The following DNAJC1 variants were observed in gnomAD, a reference collection of about 807,000 sequenced individuals.
The protein encoded by DNAJC1 is DnaJ heat shock protein family (Hsp40) member C1.
Under a neutral mutation model 76.6 loss-of-function variants are expected in DNAJC1, and 58 were observed. That is an observed-to-expected ratio of 0.76 (90% confidence interval 0.61 to 0.94). The LOEUF (loss-of-function observed/expected upper bound fraction) is 0.94, where lower values mean the gene tolerates loss of function less well. Among genes scored for constraint, DNAJC1 ranks in the 40% least tolerant of loss-of-function variants. The pLI, the probability that DNAJC1 is intolerant of heterozygous loss-of-function variation, is 0.00. For missense variants in DNAJC1, 689 were observed against 677.3 expected, an observed-to-expected ratio of 1.02 and a Z score of -0.19; for synonymous variants, 258 against 267.9, an observed-to-expected ratio of 0.96 and a Z score of 0.36.
intron 10 of DNAJC1, among the ~76,000 whole-genome samples, chr10:21,764,497 T>C (rs980192318): frequency 1.3e-5 from 2 of 152,218 alleles, no homozygotes; most frequent in Admixed American, 6.5e-5. Context: ...TTCTTATCTG[T>C]AGAAGGTCAT....
At chr10:21,886,205 C>T (rs1031692246) in intron 7 of DNAJC1, among the ~76,000 whole-genome samples, 2 of 152,172 alleles carry the variant, frequency 1.3e-5, no homozygotes, top group Non-Finnish European at 2.9e-5. Context: ...ACAGAAACCT[C>T]TATGCACACA....
chr10:21,998,490 T>C (rs10828283), intron 1 of DNAJC1, among the ~76,000 whole-genome samples: 111,894 of 151,806 alleles, frequency 0.74, 41,784 homozygotes, highest in East Asian at 0.97. Flanking sequence ...ATAAATACTG[T>C]GCAGGAACCT....
intron 8 of DNAJC1, among the ~76,000 whole-genome samples, chr10:21,824,064 T>C (rs1835202941): frequency 6.6e-6 from 1 of 152,196 alleles, no homozygotes; most frequent in Non-Finnish European, 1.5e-5. Flanking sequence ...ACAATAATTA[T>C]GTTGAATGAA....
At chr10:21,940,411 C>T (rs552405916) in intron 1 of DNAJC1, among the ~76,000 whole-genome samples, 1 of 152,022 alleles carries the variant, frequency 6.6e-6, no homozygotes, top group Non-Finnish European at 1.5e-5. Flanking sequence ...ATTTTCTTAG[C>T]CTTAAACTAT....
intron 8 of DNAJC1, among the ~76,000 whole-genome samples, chr10:21,860,101 C>T (rs934334056): frequency 6.8e-6 from 1 of 147,648 alleles, no homozygotes. Flanking sequence ...CTTCTTAATG[C>T]AAACAGCAGA....
intron 8 of DNAJC1, among the ~76,000 whole-genome samples, chr10:21,813,208 CTCTCTCTCTCTCTATATA>C (rs1835010143): frequency 8.7e-5 from 6 of 68,694 alleles, no homozygotes; most frequent in Admixed American, 4.4e-4. Context: ...CTCTCTCTCT[CTCTCTCTCTCTCTATATA>C]TATATATATA....
rs1257259376 is a variant in DNAJC1, at chr10:21,805,868, A to AT, written c.1098+111dup. The stretch of plus-strand genomic sequence containing the variant: ...TGGTTCACTTTCAGGTCCTAAAAGG[A>AT]TTGTTGTATCCCCTCCCCAAAGATA... On this transcript the variant is annotated intron_variant, in intron 9 of 11. Transcript: ENST00000376980. 6 of 1,389,792 alleles carry AT rather than the reference A, an allele frequency of 4.3e-6. No individual in the cohort carries two copies. The East Asian group carries it at 1.4e-4, about 32-fold the overall frequency. The allele number at this position is 1,389,792 out of a possible 1,614,324, so 86.1% of individuals were successfully genotyped here. A position where few individuals can be genotyped will look rare whatever the true frequency, so the allele number is the denominator to read the frequency against.
intron 1 of DNAJC1, among the ~76,000 whole-genome samples, chr10:21,963,517 A>C (rs1837837303): frequency 6.6e-6 from 1 of 152,228 alleles, no homozygotes; most frequent in South Asian, 2.1e-4. Flanking sequence ...AAGGTTTACA[A>C]AGAAAACTAT....
intron 1 of DNAJC1, among the ~76,000 whole-genome samples, chr10:21,977,077 T>G (rs143222672): frequency 6.6e-6 from 1 of 152,158 alleles, no homozygotes; most frequent in African/African-American, 2.4e-5. Context: ...TACTAAGGCT[T>G]CTTTGTACGT....
chr10:21,836,883 A>C (rs1835468943), intron 8 of DNAJC1, among the ~76,000 whole-genome samples: 1 of 151,956 alleles, frequency 6.6e-6, no homozygotes, highest in East Asian at 1.9e-4. Flanking sequence ...ATAATGGGAG[A>C]GCTCCCTCTC....
intron 1 of DNAJC1, among the ~76,000 whole-genome samples, chr10:21,965,915 G>A (rs1456674555): frequency 6.6e-6 from 1 of 152,156 alleles, no homozygotes; most frequent in Non-Finnish European, 1.5e-5. Context: ...CATGGGGTCT[G>A]GATCAGGTAC....
chr10:21,983,785 G>A (rs1175686609), intron 1 of DNAJC1, among the ~76,000 whole-genome samples: 7 of 151,816 alleles, frequency 4.6e-5, no homozygotes, highest in African/African-American at 1.5e-4. Flanking sequence ...AGGAAAGAAC[G>A]GTAAGTTGTT....
intron 1 of DNAJC1, among the ~76,000 whole-genome samples, chr10:21,937,289 G>T (rs193088179): frequency 4.6e-5 from 7 of 152,134 alleles, no homozygotes; most frequent in Admixed American, 4.6e-4. Flanking sequence ...GATATTCCTT[G>T]CAAACAGTAA....
At chr10:21,782,906 T>C (rs1834551803) in intron 9 of DNAJC1, among the ~76,000 whole-genome samples, 1 of 152,190 alleles carries the variant, frequency 6.6e-6, no homozygotes, top group South Asian at 2.1e-4. Flanking sequence ...TATGTCAAAA[T>C]AGTAAGAGCT....
intron 9 of DNAJC1, among the ~76,000 whole-genome samples, chr10:21,779,855 T>A (rs1056100408): frequency 6.6e-6 from 1 of 152,116 alleles, no homozygotes; most frequent in Non-Finnish European, 1.5e-5. Context: ...GAAAAAAGAT[T>A]AGACGAATGG....
At chr10:21,959,981 C>A (rs1282235964) in intron 1 of DNAJC1, among the ~76,000 whole-genome samples, 1 of 152,108 alleles carries the variant, frequency 6.6e-6, no homozygotes, top group Non-Finnish European at 1.5e-5. Context: ...AAAGCATACT[C>A]AGAATCTGAA....
At chr10:21,775,083 G>A (rs1202430098) in intron 9 of DNAJC1, among the ~76,000 whole-genome samples, 1 of 152,140 alleles carries the variant, frequency 6.6e-6, no homozygotes, top group Non-Finnish European at 1.5e-5. Context: ...CACATAATCT[G>A]AGTCCTTCAG....
chr10:21,856,074 G>A (rs898070806), intron 8 of DNAJC1, among the ~76,000 whole-genome samples: 28 of 152,268 alleles, frequency 1.8e-4, no homozygotes, highest in African/African-American at 6.5e-4. Flanking sequence ...GAGACTGAGG[G>A]ATGGTTGAAT....
intron 8 of DNAJC1, among the ~76,000 whole-genome samples, chr10:21,862,652 C>T (rs970937707): frequency 2.6e-5 from 4 of 151,910 alleles, no homozygotes; most frequent in African/African-American, 4.8e-5. Flanking sequence ...TGGTCTCGAA[C>T]GCCTGATCTC....
Sources: gnomAD v4.1 joint callset for allele counts (sites outside exome capture counted in the v4.1 genomes callset) on GRCh38, gnomAD v4.1.1 for gene constraint, MANE v1.5 for transcripts, NCBI Gene and HGNC (gene_info 2026-07-23, HGNC 2026-07-21) for gene names.